Variants in WFDC1 observed in about 807,000 individuals in gnomAD.
WFDC1 encodes the protein WAP four-disulfide core domain 1, also known as WAP four-disulfide core domain protein 1.
WFDC1 carries 39 observed loss-of-function variants against 32.9 expected under a neutral mutation model. That is an observed-to-expected ratio of 1.19 (90% CI 0.92 to 1.55). The LOEUF is 1.55. WFDC1 is among the 40% of genes most tolerant of loss of function. The pLI is 0.00. For synonymous variants in WFDC1, 184 were observed against 137.4 expected (o/e 1.34, Z -2.37); for missense variants, 386 against 309.5 (o/e 1.25, Z -1.85).
chr16:84,298,016 G>C (rs1408175434), intron 1 of WFDC1, among the ~76,000 whole-genome samples: 1 of 152,188 alleles, frequency 6.6e-6, no homozygotes, highest in African/African-American at 2.4e-5. Context: ...GGAGATGCTG[G>C]CTGTGTGCTG....
At chr16:84,299,902 G>A (rs1906835291) in intron 1 of WFDC1, among the ~76,000 whole-genome samples, 1 of 150,984 alleles carries the variant, frequency 6.6e-6, no homozygotes, top group Non-Finnish European at 1.5e-5. Context: ...GGGAGGGAGG[G>A]GAGCATTGCA....
intron 1 of WFDC1, chr16:84,295,657 T>G (rs1363535440): frequency 6.4e-6 from 1 of 155,430 alleles, no homozygotes; most frequent in Non-Finnish European, 1.4e-5. Context: ...GCAGAGGCAG[T>G]TGGGTGACAA....
chr16:84,309,270 C>G (rs181024812), intron 1 of WFDC1, among the ~76,000 whole-genome samples: 4 of 151,892 alleles, frequency 2.6e-5, no homozygotes, highest in African/African-American at 9.7e-5. Flanking sequence ...GTTATTAAAT[C>G]GAAAAAGTAA....
At chr16:84,307,686 G>A (rs1907345183) in intron 1 of WFDC1, among the ~76,000 whole-genome samples, 1 of 152,112 alleles carries the variant, frequency 6.6e-6, no homozygotes, top group African/African-American at 2.4e-5. Flanking sequence ...AAATAAGCTG[G>A]GCGGAAAAAT....
chr16:84,316,193 T>C (rs1481826442), intron 2 of WFDC1: 1 of 152,210 alleles, frequency 6.6e-6, no homozygotes, highest in Non-Finnish European at 1.5e-5. Context: ...GTCATTCCTG[T>C]TTTGGAGGTC....
chr16:84,320,357 A>C (rs571961895), intron 4 of WFDC1, among the ~76,000 whole-genome samples: 28 of 152,324 alleles, frequency 1.8e-4, no homozygotes, highest in African/African-American at 6.7e-4. Flanking sequence ...TAAGTCAAGA[A>C]GCATCTGTAT....
At position 84,305,789 on chromosome 16, in the gene WFDC1, C is replaced by T. The variant is rs938155061; in HGVS notation, c.145-7172C>T. On this transcript the variant is annotated intron_variant, in intron 1 of 6. Transcript: ENST00000219454. The stretch of plus-strand genomic sequence containing the variant: ...GGCTGAAGCAGGCAGATCACCTGAG[C>T]TCAGGAGTTCAAGACCATCCTGGGC... 5.3e-5 allele frequency among the ~76,000 whole-genome samples: 8 copies of T among 151,712 alleles called. No homozygotes were observed. In the South Asian group the frequency reaches 1.7e-3, roughly 32 times the overall value.
intron 2 of WFDC1, among the ~76,000 whole-genome samples, chr16:84,314,735 A>G (rs926504140): frequency 6.6e-6 from 1 of 152,222 alleles, no homozygotes; most frequent in African/African-American, 2.4e-5. Context: ...CTTCATAAGA[A>G]AACCTAAATG....
chr16:84,321,849 T>C (rs1908319809), intron 4 of WFDC1, among the ~76,000 whole-genome samples: 1 of 152,242 alleles, frequency 6.6e-6, no homozygotes, highest in African/African-American at 2.4e-5. Flanking sequence ...TGTAACTTTC[T>C]TCCTCCGTGG....
At chr16:84,312,910 C>T (rs896259344) in intron 1 of WFDC1, 51 bp from the exon 2 acceptor site, 2 of 1,104,706 alleles carry the variant, frequency 1.8e-6, no homozygotes, top group East Asian at 4.5e-5. Context: ...CGGGTGGCGC[C>T]GGGACTCGAA....
rs76299911 is a variant in WFDC1, at chr16:84,323,742, T to A, written c.563-677T>A. Among the ~76,000 whole-genome samples the A allele has an allele frequency of 1.3e-3, 192 of 152,226 alleles. 4 individuals are homozygous for A. The East Asian group carries it at 0.033, about 26-fold the overall frequency. ...TGTCTCTTGGGCAGACTCAAAAGAG[T>A]GTCATCTCTTCCCCCTGTGAACATA... On this transcript the variant is annotated intron_variant, in intron 4 of 6. Coordinates refer to ENST00000219454, the MANE Select transcript of WFDC1 (RefSeq NM_021197.4).
chr16:84,314,005 G>T (rs1023785134), intron 2 of WFDC1, among the ~76,000 whole-genome samples: 1 of 151,644 alleles, frequency 6.6e-6, no homozygotes, highest in African/African-American at 2.4e-5. Context: ...TTGTGCCATT[G>T]CACTCCAGCG....
chr16:84,315,337 CTG>C (rs1458949299), intron 2 of WFDC1, among the ~76,000 whole-genome samples: 2 of 152,220 alleles, frequency 1.3e-5, no homozygotes, highest in Non-Finnish European at 2.9e-5. Flanking sequence ...ATCTGGAAGA[CTG>C]TGTTTTACTT....
chr16:84,294,957 C>A lies in WFDC1; in HGVS notation c.-15C>A. ...TCTTCTGTGTGCGTCTGGAAGGTCG[C>A]TGCCCAGGGAGGAAATGCCTTTAAC... On this transcript the variant is annotated 5_prime_UTR_variant, in exon 1 of 7. The change creates a new upstream start codon in the 5' untranslated region. Transcript: ENST00000219454. The A allele has an allele frequency of 1.2e-6, 2 of 1,607,816 alleles. No individual in the cohort carries two copies. Among genetic ancestry groups the A allele is most frequent in the South Asian group, 1.1e-5 (1 of 89,916 alleles).
chr16:84,307,498 A>T (rs8052098), intron 1 of WFDC1, among the ~76,000 whole-genome samples: 69,529 of 151,530 alleles, frequency 0.46, 16,828 homozygotes, highest in Middle Eastern at 0.6. Context: ...ATTCTGAGAA[A>T]TGACATTTGA....
chr16:84,324,195 G>A (rs1389983471), intron 4 of WFDC1, among the ~76,000 whole-genome samples: 1 of 152,132 alleles, frequency 6.6e-6, no homozygotes, highest in Non-Finnish European at 1.5e-5. Context: ...ATGTTAAGGA[G>A]ATCTCACAGG....
chr16:84,295,321 A>C (rs1053703472), intron 1 of WFDC1: 3 of 594,612 alleles, frequency 5.0e-6, no homozygotes, highest in Non-Finnish European at 8.5e-6. Context: ...GTGAATCAAG[A>C]GGCAAAAGAC....
intron 1 of WFDC1, among the ~76,000 whole-genome samples, chr16:84,311,521 C>T (rs1470844907): frequency 7.4e-6 from 1 of 134,560 alleles, no homozygotes; most frequent in Admixed American, 8.4e-5. Context: ...AGCCACTGCG[C>T]CTGGACTTTT....
At chr16:84,302,794 C>T (rs1567651442) in intron 1 of WFDC1, among the ~76,000 whole-genome samples, 1 of 152,144 alleles carries the variant, frequency 6.6e-6, no homozygotes, top group Admixed American at 6.6e-5. Context: ...TCAGGGCCAA[C>T]GTCTTCTGGT....
Sources: allele counts gnomAD v4.1 joint callset (sites outside exome capture counted in the v4.1 genomes callset), GRCh38; gene constraint gnomAD v4.1.1; transcripts MANE v1.5; gene names NCBI Gene and HGNC (gene_info 2026-07-23, HGNC 2026-07-21).